Variants in MCTP1 observed in about 807,000 individuals in gnomAD.
The protein encoded by MCTP1 is multiple C2 and transmembrane domain containing 1.
In MCTP1, 69 loss-of-function variants were observed where a neutral mutation model predicts 120.6. The ratio of observed to expected loss-of-function variants is 0.57; its 90% CI spans 0.47 to 0.70. The LOEUF (loss-of-function observed/expected upper bound fraction) is 0.70, where lower values mean the gene tolerates loss of function less well. Ranked by LOEUF, MCTP1 falls within the 30% of genes least tolerant of loss-of-function variation. MCTP1 has a pLI of 0.00. For missense variants in MCTP1, 1,203 were observed against 1,248.8 expected, an observed-to-expected ratio of 0.96 and a Z score of 0.55; for synonymous variants, 529 against 493.1, an observed-to-expected ratio of 1.07 and a Z score of -0.96.
chr5:94,750,216 C>T (rs951314206), intron 19 of MCTP1, among the ~76,000 whole-genome samples: 3 of 152,218 alleles, frequency 2.0e-5, no homozygotes, highest in Admixed American at 6.5e-5. Context: ...CACAAGAACC[C>T]GTGATCATAT....
chr5:95,238,855 C>T (rs893158849), intron 1 of MCTP1, among the ~76,000 whole-genome samples: 2 of 152,140 alleles, frequency 1.3e-5, no homozygotes, highest in African/African-American at 4.8e-5. Context: ...ACAAGCACAC[C>T]GCGTATATGC....
chr5:95,220,967 G>A lies in MCTP1; in HGVS notation c.720+62889C>T, dbSNP rs915614589. Among the ~76,000 whole-genome samples the A allele has an allele frequency of 3.3e-5, 5 of 152,104 alleles. No homozygotes were observed. In the East Asian group the frequency reaches 7.7e-4, roughly 23 times the overall value. On this transcript the variant is annotated intron_variant, in intron 1 of 22. Coordinates refer to ENST00000515393, the MANE Select transcript of MCTP1 (RefSeq NM_024717.7). Reference sequence around the variant, plus strand: ...GAGACGTGTTGCAAACATCAGTAAAGGCAGAAAAAATTACGCAAAAAGGAC... The same window carrying A: ...GAGACGTGTTGCAAACATCAGTAAAAGCAGAAAAAATTACGCAAAAAGGAC...
chr5:95,037,215 C>T (rs1416841656), intron 1 of MCTP1, among the ~76,000 whole-genome samples: 3 of 152,134 alleles, frequency 2.0e-5, no homozygotes, highest in African/African-American at 7.2e-5. Context: ...TACACCTGGA[C>T]CCCCAGGGCG....
intron 1 of MCTP1, among the ~76,000 whole-genome samples, chr5:95,097,597 G>C (rs1279881008): frequency 4.0e-5 from 4 of 100,820 alleles, no homozygotes; most frequent in African/African-American, 1.3e-4. Flanking sequence ...ATTTCATTTT[G>C]TTGGTTTCCA....
At chr5:94,821,678 G>C (rs1785684550) in intron 17 of MCTP1, among the ~76,000 whole-genome samples, 2 of 151,982 alleles carry the variant, frequency 1.3e-5, no homozygotes, top group South Asian at 4.2e-4. Context: ...GTTGTCCCTT[G>C]GTATACACCA....
chr5:94,947,080 G>C (rs1429248032), intron 3 of MCTP1, among the ~76,000 whole-genome samples: 1 of 152,032 alleles, frequency 6.6e-6, no homozygotes, highest in South Asian at 2.1e-4. Flanking sequence ...AGCATCTCTG[G>C]AATCTGCTTT....
Position 94,729,950 on chromosome 5 carries a change from A to T in MCTP1, c.2611-15064T>A, listed in dbSNP as rs191925523. Among the ~76,000 whole-genome samples the T allele has an allele frequency of 3.3e-5, 5 of 152,304 alleles. No individual in the cohort carries two copies. The East Asian group carries it at 9.6e-4, about 29-fold the overall frequency. ...GAATAATTTACATTTTTAAAATACC[A>T]CTTAGGTAGAAATATACTGTGTGGG... On this transcript the variant is annotated intron_variant, in intron 19 of 22. Transcript: ENST00000515393.
chr5:95,133,512 G>A (rs1204467070), intron 1 of MCTP1, among the ~76,000 whole-genome samples: 3 of 152,174 alleles, frequency 2.0e-5, no homozygotes, highest in Non-Finnish European at 2.9e-5. Flanking sequence ...AAAATTAGCC[G>A]GGTGTGGCGG....
chr5:95,034,287 C>T lies in MCTP1; in HGVS notation c.721-16803G>A, dbSNP rs563496111. The stretch of plus-strand genomic sequence containing the variant: ...CCAAAGCAATCCTAAGCAAAAAGAA[C>T]AAAGCTGGAAGTATCACATTACATG... On this transcript the variant is annotated intron_variant, in intron 1 of 22. Coordinates refer to ENST00000515393, the MANE Select transcript of MCTP1 (RefSeq NM_024717.7). 2.0e-5 allele frequency among the ~76,000 whole-genome samples: 3 copies of T among 152,020 alleles called. No homozygotes were observed. The East Asian group carries it at 5.8e-4, about 29-fold the overall frequency.
At chr5:94,793,147 A>C (rs938236395) in intron 18 of MCTP1, among the ~76,000 whole-genome samples, 1 of 152,170 alleles carries the variant, frequency 6.6e-6, no homozygotes, top group African/African-American at 2.4e-5. Context: ...GGGATGAGTG[A>C]AGAAAATGTA....
At chr5:95,194,201 C>A (rs1234273446) in intron 1 of MCTP1, among the ~76,000 whole-genome samples, 1 of 151,520 alleles carries the variant, frequency 6.6e-6, no homozygotes, top group African/African-American at 2.4e-5. Flanking sequence ...GAGTGAGACA[C>A]TGTCTGAAAA....
At chr5:95,067,067 AATCC>A (rs1750843585) in intron 1 of MCTP1, among the ~76,000 whole-genome samples, 1 of 151,658 alleles carries the variant, frequency 6.6e-6, no homozygotes, top group Admixed American at 6.6e-5. Context: ...GACCGGTACC[AATCC>A]AAGGCCTGGG....
At position 94,745,077 on chromosome 5, in the gene MCTP1, G is replaced by GT. The variant is rs1766562218; in HGVS notation, c.2611-30192dup. On this transcript the variant is annotated intron_variant, in intron 19 of 22. Coordinates refer to ENST00000515393, the MANE Select transcript of MCTP1 (RefSeq NM_024717.7). ...TATGACATGCTCCCACCCACAGAGA[G>GT]TAAGAATGTTTCCCAGCCACTTCTC... 3.3e-5 allele frequency among the ~76,000 whole-genome samples: 5 copies of GT among 151,776 alleles called. No individual in the cohort carries two copies. In the South Asian group the frequency reaches 1.0e-3, roughly 32 times the overall value.
chr5:95,279,398 T>G (rs1296251016), intron 1 of MCTP1, among the ~76,000 whole-genome samples: 1 of 152,216 alleles, frequency 6.6e-6, no homozygotes, highest in Non-Finnish European at 1.5e-5. Flanking sequence ...CTGTATAAAA[T>G]TGTAATGTCA....
At chr5:95,141,344 A>T (rs73140085) in intron 1 of MCTP1, among the ~76,000 whole-genome samples, 233 of 152,374 alleles carry the variant, frequency 1.5e-3, no homozygotes, top group African/African-American at 5.3e-3. Context: ...ACTCAAGACC[A>T]CAGTTTGTTT....
chr5:95,033,253 T>C (rs563434301), intron 1 of MCTP1, among the ~76,000 whole-genome samples: 1 of 152,056 alleles, frequency 6.6e-6, no homozygotes, highest in East Asian at 1.9e-4. Context: ...GATACCAAAA[T>C]CTGACAGGGA....
At chr5:95,255,729 T>G (rs181611974) in intron 1 of MCTP1, among the ~76,000 whole-genome samples, 1 of 152,234 alleles carries the variant, frequency 6.6e-6, no homozygotes, top group East Asian at 1.9e-4. Flanking sequence ...AAGTCAGATA[T>G]TACTTGAGAA....
chr5:94,711,664 CAG>C (rs1437054648), intron 20 of MCTP1, among the ~76,000 whole-genome samples: 1 of 150,684 alleles, frequency 6.6e-6, no homozygotes, highest in African/African-American at 2.4e-5. Flanking sequence ...CTGCAAGACT[CAG>C]TATTGACAAC....
Position 95,284,440 on chromosome 5 carries a change from G to T in MCTP1, c.136C>A (p.Pro46Thr), listed in dbSNP as rs754316230. The T allele has an allele frequency of 2.0e-6, 3 of 1,528,316 alleles. No individual in the cohort carries two copies. Among genetic ancestry groups the T allele is most frequent in the Admixed American group, 4.0e-5 (2 of 50,154 alleles). 94.7% of individuals were successfully genotyped at this position (1,528,316 alleles called of 1,614,324 possible). A position where few individuals can be genotyped will look rare whatever the true frequency, so the allele number is the denominator to read the frequency against. ...KGGGGGRAGG[P>T]ERRTADTPSP... ...GGGGTGTCCGCAGTGCGGCGCTCTG[G>T]ACCCCCAGCGCGCCCGCCCCCGCCG... Residue 46 changes from proline (P) to threonine (T), a missense_variant, in exon 1 of 23, where the codon CCA (proline) becomes ACA (threonine). Transcript: ENST00000515393. This position sits in a 1 kb window ranked among gnomAD's most constrained non-coding sequence, Gnocchi z 5.2.
Sources: gnomAD v4.1 joint callset for allele counts (sites outside exome capture counted in the v4.1 genomes callset) on GRCh38, gnomAD v4.1.1 for gene constraint, Gnocchi (gnomAD v3.1) non-coding constraint, MANE v1.5 for transcripts, NCBI Gene and HGNC (gene_info 2026-07-23, HGNC 2026-07-21) for gene names.